The following GALNT13 variants were observed in gnomAD, a reference collection of about 807,000 sequenced individuals.
The protein encoded by GALNT13 is UDP-GalNAc:polypeptide N-acetylgalactosaminyltransferase 13.
In GALNT13, 28 loss-of-function variants were observed where a neutral mutation model predicts 64.2. The ratio of observed to expected loss-of-function variants is 0.44; its 90% CI spans 0.32 to 0.60. The LOEUF is 0.60. Among genes scored for constraint, GALNT13 ranks in the 20% least tolerant of loss-of-function variants. The probability of loss-of-function intolerance (pLI) is 0.05; values close to 1 mark genes in which losing one functional copy is unlikely to be tolerated. For missense variants in GALNT13, 577 were observed against 669.8 expected (o/e 0.86, Z 1.53); for synonymous variants, 214 against 224.6 (o/e 0.95, Z 0.42).
At chr2:153,525,501 G>A in the GALNT13 span, among the ~76,000 whole-genome samples, 3 of 152,182 alleles carry the variant, frequency 2.0e-5, no homozygotes, top group Non-Finnish European at 2.9e-5. Flanking sequence ...TGAGCAGCTG[G>A]TGAGTGAGCA....
chr2:154,140,041 T>C (rs1683168867), intron 3 of GALNT13, among the ~76,000 whole-genome samples: 2 of 152,104 alleles, frequency 1.3e-5, no homozygotes, highest in African/African-American at 4.8e-5. Context: ...CAGTTTTCTC[T>C]AATAGTGTAT....
At chr2:153,185,351 A>G in the GALNT13 span, among the ~76,000 whole-genome samples, 4 of 151,770 alleles carry the variant, frequency 2.6e-5, no homozygotes, top group East Asian at 7.8e-4. Context: ...TCTCTCTTTT[A>G]TTCTTTATTA....
At chr2:153,337,101 A>G in the GALNT13 span, among the ~76,000 whole-genome samples, 1 of 152,156 alleles carries the variant, frequency 6.6e-6, no homozygotes, top group African/African-American at 2.4e-5. Context: ...AGTCTTGGGT[A>G]TGTCTTTATC....
At chr2:153,805,378 G>A in the GALNT13 span, among the ~76,000 whole-genome samples, 1,486 of 152,092 alleles carry the variant, frequency 9.8e-3, 21 homozygotes, top group African/African-American at 0.034. Context: ...AATGTGAGCC[G>A]CTAATTTTGT....
At chr2:153,436,100 G>C in the GALNT13 span, among the ~76,000 whole-genome samples, 117 of 151,996 alleles carry the variant, frequency 7.7e-4, no homozygotes, top group African/African-American at 2.4e-4. Flanking sequence ...TGGTTTTTGT[G>C]TTTGGTTCTG....
chr2:153,637,254 C>T, the GALNT13 span, among the ~76,000 whole-genome samples: 1 of 152,068 alleles, frequency 6.6e-6, no homozygotes, highest in African/African-American at 2.4e-5. Context: ...TTGAAGTCCA[C>T]ATTGCCTCAT....
chr2:153,780,026 T>A, the GALNT13 span, among the ~76,000 whole-genome samples: 1 of 151,862 alleles, frequency 6.6e-6, no homozygotes, highest in African/African-American at 2.4e-5. Flanking sequence ...CAAGACACCA[T>A]CAGAGTCAAT....
the GALNT13 span, among the ~76,000 whole-genome samples, chr2:153,502,825 T>G: frequency 2.0e-5 from 3 of 152,384 alleles, no homozygotes; most frequent in East Asian, 5.8e-4. Context: ...CATTTGCATT[T>G]CCCTAATAAT....
At chr2:154,286,769 G>T in intron 8 of GALNT13, 1 of 323,618 alleles carries the variant, frequency 3.1e-6, no homozygotes, top group South Asian at 2.7e-5. Context: ...CTCATGCCAT[G>T]GGTACAGAAA....
chr2:153,957,629 A>G (rs1324588706), intron 3 of GALNT13, among the ~76,000 whole-genome samples: 1 of 152,232 alleles, frequency 6.6e-6, no homozygotes, highest in Non-Finnish European at 1.5e-5. Flanking sequence ...GCCCAGGGGC[A>G]GGCAAGTTGG....
chr2:154,243,792 A>G (rs1181791314), intron 6 of GALNT13, among the ~76,000 whole-genome samples: 5 of 152,314 alleles, frequency 3.3e-5, no homozygotes, highest in Admixed American at 3.3e-4. Flanking sequence ...CTATAGTAGA[A>G]AATTCCTTCT....
At chr2:154,350,909 T>C (rs887881437) in intron 9 of GALNT13, among the ~76,000 whole-genome samples, 40 of 152,166 alleles carry the variant, frequency 2.6e-4, no homozygotes, top group African/African-American at 9.4e-4. Context: ...TTGAGAAGAA[T>C]ATTTAGAGCA....
chr2:154,212,892 T>G (rs2105804718), intron 4 of GALNT13, among the ~76,000 whole-genome samples: 1 of 152,130 alleles, frequency 6.6e-6, no homozygotes, highest in African/African-American at 2.4e-5. Flanking sequence ...TTTATTAATC[T>G]CAATGGTAGA....
chr2:153,550,753 A>G, the GALNT13 span, among the ~76,000 whole-genome samples: 627 of 152,320 alleles, frequency 4.1e-3, 7 homozygotes, highest in African/African-American at 0.014. Flanking sequence ...TTAGCATTGT[A>G]TTTGAATATA....
At chr2:153,756,800 G>T in the GALNT13 span, among the ~76,000 whole-genome samples, 1 of 151,758 alleles carries the variant, frequency 6.6e-6, no homozygotes. Flanking sequence ...AATACAGCTG[G>T]GCCTTCCTTG....
At chr2:154,084,368 T>C (rs2105422397) in intron 3 of GALNT13, among the ~76,000 whole-genome samples, 1 of 151,994 alleles carries the variant, frequency 6.6e-6, no homozygotes, top group East Asian at 1.9e-4. Flanking sequence ...TTATAAAAAT[T>C]AGGTTGATAT....
intron 2 of GALNT13, among the ~76,000 whole-genome samples, chr2:153,942,857 AT>A (rs1338054308): frequency 6.6e-6 from 1 of 152,120 alleles, no homozygotes; most frequent in Non-Finnish European, 1.5e-5. Flanking sequence ...CTGTTGCTTT[AT>A]GGTGCTGTCA....
At chr2:154,157,875 T>A (rs2105653230) in intron 4 of GALNT13, among the ~76,000 whole-genome samples, 1 of 152,302 alleles carries the variant, frequency 6.6e-6, no homozygotes, top group African/African-American at 2.4e-5. Flanking sequence ...TTGAAATAAA[T>A]TTTTCACTTG....
intron 3 of GALNT13, among the ~76,000 whole-genome samples, chr2:154,096,870 T>C (rs1173918341): frequency 1.3e-5 from 2 of 152,042 alleles, no homozygotes; most frequent in Non-Finnish European, 2.9e-5. Context: ...TACAGCTTAT[T>C]AAGAGGGCAA....
Sources: gnomAD v4.1 joint callset for allele counts (sites outside exome capture counted in the v4.1 genomes callset) on GRCh38, gnomAD v4.1.1 for gene constraint, MANE v1.5 for transcripts, NCBI Gene and HGNC (gene_info 2026-07-23, HGNC 2026-07-21) for gene names.